Variants in ARL15 observed in about 807,000 individuals in gnomAD.
ARL15 encodes ARF like GTPase 15.
In ARL15, 19 loss-of-function variants were observed where a neutral mutation model predicts 25.2. The ratio of observed to expected loss-of-function variants is 0.75; its 90% CI spans 0.53 to 1.10. The LOEUF (loss-of-function observed/expected upper bound fraction) is 1.10. Ranked by LOEUF, ARL15 falls within the 50% of genes least tolerant of loss-of-function variation. The probability of loss-of-function intolerance (pLI) is 0.00; values close to 1 mark genes in which losing one functional copy is unlikely to be tolerated. For missense variants in ARL15, 220 were observed against 246.0 expected (o/e 0.89, Z 0.71); for synonymous variants, 94 against 86.8 (o/e 1.08, Z -0.46).
intron 3 of ARL15, among the ~76,000 whole-genome samples, chr5:54,131,005 C>A (rs1753411866): frequency 6.6e-6 from 1 of 152,164 alleles, no homozygotes; most frequent in Non-Finnish European, 1.5e-5. Flanking sequence ...ATCTTATCTT[C>A]TTCCTAACTT....
At chr5:54,187,735 G>C (rs1181609859) in intron 1 of ARL15, among the ~76,000 whole-genome samples, 1 of 152,212 alleles carries the variant, frequency 6.6e-6, no homozygotes, top group Non-Finnish European at 1.5e-5. Context: ...CATGTAAGAA[G>C]ATGAGGCTGG....
chr5:54,302,614 T>G (rs1408234215), intron 1 of ARL15, among the ~76,000 whole-genome samples: 2 of 151,354 alleles, frequency 1.3e-5, no homozygotes, highest in Non-Finnish European at 2.9e-5. Context: ...GCTAGAAATC[T>G]GAACTGGCCT....
intron 4 of ARL15, among the ~76,000 whole-genome samples, chr5:53,900,175 A>G (rs1163364420): frequency 6.6e-6 from 1 of 152,200 alleles, no homozygotes; most frequent in Non-Finnish European, 1.5e-5. Flanking sequence ...AGAGGTTCAT[A>G]AGGTAATCAA....
chr5:53,968,456 T>A (rs935955585), intron 4 of ARL15, among the ~76,000 whole-genome samples: 1 of 152,118 alleles, frequency 6.6e-6, no homozygotes, highest in East Asian at 1.9e-4. Context: ...CATGAAGACA[T>A]CTTAAAACTG....
chr5:53,964,544 T>C (rs1489274432), intron 4 of ARL15, among the ~76,000 whole-genome samples: 1 of 152,036 alleles, frequency 6.6e-6, no homozygotes, highest in Non-Finnish European at 1.5e-5. Context: ...TTGTATTTAG[T>C]AGAGACGGGG....
intron 4 of ARL15, among the ~76,000 whole-genome samples, chr5:54,101,629 C>T (rs1470533360): frequency 1.3e-5 from 2 of 152,076 alleles, no homozygotes; most frequent in Non-Finnish European, 2.9e-5. Flanking sequence ...AAACAAGGAG[C>T]TTCTCTGGTA....
chr5:54,251,434 T>C (rs1407825832), intron 1 of ARL15, among the ~76,000 whole-genome samples: 1 of 152,194 alleles, frequency 6.6e-6, no homozygotes, highest in Non-Finnish European at 1.5e-5. Context: ...TTAGCATTAG[T>C]CAACAGCAAC....
At chr5:53,988,313 GAAAAAAAGA>G (rs1368787808) in intron 4 of ARL15, among the ~76,000 whole-genome samples, 5 of 114,128 alleles carry the variant, frequency 4.4e-5, no homozygotes, top group African/African-American at 1.3e-4. Flanking sequence ...AAGAAAAAAA[GAAAAAAAGA>G]AAAAAAAAAA....
intron 4 of ARL15, among the ~76,000 whole-genome samples, chr5:53,960,894 G>A (rs1297097640): frequency 1.3e-5 from 2 of 152,154 alleles, no homozygotes; most frequent in South Asian, 2.1e-4. Flanking sequence ...TCCTGAGGCT[G>A]TCTTTATTTG....
chr5:53,918,251 T>C (rs1187791324), intron 4 of ARL15, among the ~76,000 whole-genome samples: 18 of 152,194 alleles, frequency 1.2e-4, no homozygotes, highest in Admixed American at 1.2e-3. Context: ...AGTGGTGTGA[T>C]GATAGCTCAC....
At chr5:54,077,426 G>T (rs2112096274) in intron 4 of ARL15, among the ~76,000 whole-genome samples, 1 of 152,274 alleles carries the variant, frequency 6.6e-6, no homozygotes, top group South Asian at 2.1e-4. Context: ...ATTTATGGAA[G>T]CATTCCCCCA....
At chr5:54,185,786 CAGTTACAATAG>C (rs1755219499) in intron 1 of ARL15, among the ~76,000 whole-genome samples, 1 of 152,124 alleles carries the variant, frequency 6.6e-6, no homozygotes, top group East Asian at 1.9e-4. Context: ...TTAGATTTTT[CAGTTACAATAG>C]TGTTTTCCCA....
chr5:54,249,071 G>T (rs2289853), intron 1 of ARL15, among the ~76,000 whole-genome samples: 17,637 of 152,048 alleles, frequency 0.12, 1,320 homozygotes, highest in East Asian at 0.42. Flanking sequence ...AAAAGAATCA[G>T]TGATGGAAAA....
At chr5:54,105,884 A>G (rs1045082168) in intron 4 of ARL15, among the ~76,000 whole-genome samples, 5 of 152,128 alleles carry the variant, frequency 3.3e-5, no homozygotes, top group African/African-American at 1.2e-4. Flanking sequence ...AAACCATGTC[A>G]TTATGTTCCC....
intron 3 of ARL15, among the ~76,000 whole-genome samples, chr5:54,122,088 C>A (rs1428645586): frequency 6.6e-6 from 1 of 152,170 alleles, no homozygotes; most frequent in African/African-American, 2.4e-5. Flanking sequence ...CCTGAGAAAA[C>A]CAATGTTATA....
At chr5:54,081,196 G>A (rs148805573) in intron 4 of ARL15, among the ~76,000 whole-genome samples, 80 of 152,236 alleles carry the variant, frequency 5.3e-4, no homozygotes, top group African/African-American at 1.6e-3. Flanking sequence ...GAAAGTATGC[G>A]TTATATAAAG....
At chr5:53,889,856 A>T (rs1195441327) in intron 4 of ARL15, among the ~76,000 whole-genome samples, 1 of 140,020 alleles carries the variant, frequency 7.1e-6, no homozygotes, top group Non-Finnish European at 1.5e-5. Flanking sequence ...CTTGTTGCCC[A>T]GGCTGAAGTG....
At chr5:54,274,762 C>CA (rs1327477702) in intron 1 of ARL15, among the ~76,000 whole-genome samples, 1 of 151,986 alleles carries the variant, frequency 6.6e-6, no homozygotes, top group Non-Finnish European at 1.5e-5. Flanking sequence ...GGCATGGTGG[C>CA]ACACACCTGT....
chr5:54,133,369 T>C lies in ARL15; in HGVS notation c.254-19959A>G, dbSNP rs753251327. 4.6e-5 allele frequency among the ~76,000 whole-genome samples: 7 copies of C among 152,134 alleles called. 1 individual carries two copies. The highest frequency in any genetic ancestry group is 8.8e-5 in the Non-Finnish European group (6 of 68,022). ...TTAGGAATACTGACAGAGGTACTGATAAAAATGAGTTGATAAGGAGGAGGG... is the reference window on the plus strand; with the variant it reads ...TTAGGAATACTGACAGAGGTACTGACAAAAATGAGTTGATAAGGAGGAGGG... On this transcript the variant is annotated intron_variant, in intron 3 of 4. Coordinates refer to ENST00000504924, the MANE Select transcript of ARL15 (RefSeq NM_019087.3).
Sources: allele counts gnomAD v4.1 joint callset (sites outside exome capture counted in the v4.1 genomes callset), GRCh38; gene constraint gnomAD v4.1.1; transcripts MANE v1.5; gene names NCBI Gene and HGNC (gene_info 2026-07-23, HGNC 2026-07-21).